NUP155: variants seen among roughly 807,000 people sequenced by gnomAD.
The protein encoded by NUP155 is nuclear pore complex protein Nup155.
Under a neutral mutation model 180.4 loss-of-function variants are expected in NUP155, and 71 were observed. The ratio of observed to expected loss-of-function variants is 0.39; its 90% CI spans 0.33 to 0.48. The LOEUF is 0.48. Ranked by LOEUF, NUP155 falls within the 20% of genes least tolerant of loss-of-function variation. NUP155 has a pLI of 0.91. For synonymous variants in NUP155, 582 were observed against 559.5 expected (o/e 1.04, Z -0.57); for missense variants, 1,553 against 1,648.9 (o/e 0.94, Z 1.01).
intron 25 of NUP155, 47 bp from the exon 26 acceptor site, chr5:37,305,257 C>A: frequency 6.5e-7 from 1 of 1,532,010 alleles, no homozygotes; most frequent in Non-Finnish European, 9.0e-7. Context: ...AACTAGAAAG[C>A]AAATGATGGT....
In NUP155 at chr5:37,295,459, C is replaced by T. The variant is rs371004124; in HGVS notation, c.3794-994G>A. Among the ~76,000 whole-genome samples, 6 of 152,170 alleles carry T rather than the reference C, an allele frequency of 3.9e-5. No individual in the cohort carries two copies. In the East Asian group the frequency reaches 5.8e-4, roughly 15 times the overall value. On this transcript the variant is annotated intron_variant, in intron 32 of 34. Coordinates refer to ENST00000231498, the MANE Select transcript of NUP155 (RefSeq NM_153485.3). ...AAGTGCCGAGATTGCAGCCTCTGCCCGGCCGCCACCCTGTCTGGGAAGTGA... is the reference window on the plus strand; with the variant it reads ...AAGTGCCGAGATTGCAGCCTCTGCCTGGCCGCCACCCTGTCTGGGAAGTGA...
chr5:37,365,446 G>C (rs1349391636), intron 1 of NUP155, among the ~76,000 whole-genome samples: 1 of 151,484 alleles, frequency 6.6e-6, no homozygotes, highest in South Asian at 2.1e-4. Context: ...GGTAGCTCAC[G>C]CCTGTAATCC....
intron 25 of NUP155, 21 bp downstream of exon 25, chr5:37,307,276 T>C (rs1743217465): frequency 6.2e-7 from 1 of 1,611,816 alleles, no homozygotes; most frequent in African/African-American, 1.3e-5. Flanking sequence ...GATGACAATC[T>C]GCTAACGTAA....
At chr5:37,308,314 A>G (rs1362621216) in intron 24 of NUP155, among the ~76,000 whole-genome samples, 1 of 152,176 alleles carries the variant, frequency 6.6e-6, no homozygotes, top group Non-Finnish European at 1.5e-5. Flanking sequence ...GCACTTTGAG[A>G]GGCTGAGATG....
chr5:37,342,171 T>C (rs1204234289), intron 10 of NUP155, among the ~76,000 whole-genome samples: 1 of 152,188 alleles, frequency 6.6e-6, no homozygotes, highest in Non-Finnish European at 1.5e-5. Flanking sequence ...CCCAAGCAGC[T>C]GGTACTACAA....
chr5:37,325,768 CAAAAAAAAAAAAAA>C, intron 19 of NUP155, 119 bp downstream of exon 19: 1 of 357,388 alleles, frequency 2.8e-6, no homozygotes, highest in Middle Eastern at 8.5e-4. Context: ...GACTCTGTCT[CAAAAAAAAAAAAAA>C]AAAAAAAAAT....
intron 3 of NUP155, among the ~76,000 whole-genome samples, chr5:37,361,965 T>C (rs1747251108): frequency 6.6e-6 from 1 of 152,286 alleles, no homozygotes; most frequent in African/African-American, 2.4e-5. Context: ...AGAACTCCCC[T>C]ACCCCTCTGC....
At chr5:37,351,871 AGTGT>A (rs141685160) in intron 5 of NUP155, among the ~76,000 whole-genome samples, 9,330 of 148,578 alleles carry the variant, frequency 0.063, 914 homozygotes, top group African/African-American at 0.21. Flanking sequence ...AGAGTGTGTG[AGTGT>A]GTGTGTGTGT....
intron 8 of NUP155, 24 bp downstream of exon 8, chr5:37,349,148 T>C (rs1746298523): frequency 3.7e-6 from 2 of 539,116 alleles, no homozygotes; most frequent in Non-Finnish European, 6.4e-6. Context: ...TGACTCTTAA[T>C]GGTATAATAA....
chr5:37,298,466 A>G (rs1742701473), intron 32 of NUP155, among the ~76,000 whole-genome samples: 5 of 152,198 alleles, frequency 3.3e-5, no homozygotes, highest in Admixed American at 3.3e-4. Flanking sequence ...CTAAGTTTTA[A>G]CATAATTATT....
chr5:37,322,348 ACTCCCC>A (rs1281871616), intron 20 of NUP155, among the ~76,000 whole-genome samples: 1 of 151,806 alleles, frequency 6.6e-6, no homozygotes, highest in Non-Finnish European at 1.5e-5. Context: ...GAGTGATGTG[ACTCCCC>A]CAATGCCATG....
chr5:37,361,873 T>C (rs1747245087), intron 3 of NUP155, among the ~76,000 whole-genome samples: 1 of 152,256 alleles, frequency 6.6e-6, no homozygotes, highest in East Asian at 1.9e-4. Flanking sequence ...ATAGTATTTG[T>C]AGGTGGGGTC....
At chr5:37,353,475 G>T (rs1746603005) in intron 4 of NUP155, among the ~76,000 whole-genome samples, 1 of 152,056 alleles carries the variant, frequency 6.6e-6, no homozygotes, top group East Asian at 1.9e-4. Flanking sequence ...CCAGCTACTT[G>T]AGAGGCTGAG....
rs574475935 is a variant in NUP155 at position 37,358,777 on chromosome 5, G to C, written c.393-626C>G. 2.0e-5 allele frequency among the ~76,000 whole-genome samples: 3 copies of C among 152,310 alleles called. No individual in the cohort carries two copies. In the South Asian group the frequency reaches 6.2e-4, roughly 32 times the overall value. ...CTCACACCTGTAAACCCAGCACTTT[G>C]GGAGGCCGGGGTGGGCGAATCACAA... On this transcript the variant is annotated intron_variant, in intron 3 of 34. Transcript: ENST00000231498.
chr5:37,302,954 TTGA>T, intron 28 of NUP155, 46 bp from the exon 29 acceptor site: 1 of 1,601,976 alleles, frequency 6.2e-7, no homozygotes, highest in Non-Finnish European at 8.5e-7. Context: ...TTCTTAAGGA[TTGA>T]TGATACAAAT....
intron 5 of NUP155, among the ~76,000 whole-genome samples, chr5:37,352,225 G>A (rs183490677): frequency 8.3e-4 from 127 of 152,310 alleles, no homozygotes; most frequent in Non-Finnish European, 1.3e-3. Flanking sequence ...GGGTGTGGTA[G>A]TGGGTGCCTG....
intron 19 of NUP155, 39 bp downstream of exon 19, chr5:37,325,862 G>T: frequency 1.6e-6 from 2 of 1,273,188 alleles, no homozygotes; most frequent in Non-Finnish European, 1.1e-6. Context: ...CCATCAACTG[G>T]CTACACAAAA....
chr5:37,296,188 C>G (rs1742556228), intron 32 of NUP155, among the ~76,000 whole-genome samples: 1 of 152,132 alleles, frequency 6.6e-6, no homozygotes, highest in African/African-American at 2.4e-5. Flanking sequence ...CCCAACAGCT[C>G]ATTGAGAACG....
At position 37,291,948 on chromosome 5, in the gene NUP155, G is replaced by C. The variant is rs1461867218; in HGVS notation, c.4128C>G (p.Ile1376Met). The C allele has an allele frequency of 1.2e-6, 2 of 1,613,842 alleles. No individual in the cohort carries two copies. The highest frequency in any genetic ancestry group is 1.7e-6 in the Non-Finnish European group (2 of 1,179,866). ...CTTGAAGAGATTTAAAATTCCCAGTGATGGCTTGTACTGCTACTGACGAGC... is the reference window on the plus strand; with the variant it reads ...CTTGAAGAGATTTAAAATTCCCAGTCATGGCTTGTACTGCTACTGACGAGC... ...SMSSSVAVQA[I>M]TGNFKSLQAK... Residue 1376 changes from isoleucine to methionine, a missense_variant, in exon 35 of 35, where the codon ATC becomes ATG. Transcript: ENST00000231498.
Sources: allele counts gnomAD v4.1 joint callset (sites outside exome capture counted in the v4.1 genomes callset), GRCh38; gene constraint gnomAD v4.1.1; transcripts MANE v1.5; gene names NCBI Gene and HGNC (gene_info 2026-07-23, HGNC 2026-07-21).